MAMDC2: variants seen among roughly 807,000 people sequenced by gnomAD.
MAMDC2 encodes the protein MAM domain containing 2.
MAMDC2 carries 57 observed loss-of-function variants against 89.8 expected under a neutral mutation model. That is an observed-to-expected ratio of 0.63 (90% CI 0.51 to 0.79). The LOEUF (loss-of-function observed/expected upper bound fraction) is 0.79, where lower values mean the gene tolerates loss of function less well. MAMDC2 is among the 30% of genes least tolerant of loss of function. MAMDC2 has a pLI of 0.00. For synonymous variants in MAMDC2, 313 were observed against 293.4 expected (o/e 1.07, Z -0.68); for missense variants, 800 against 820.6 (o/e 0.97, Z 0.31).
At chr9:70,130,683 C>A (rs2030767447) in intron 6 of MAMDC2, among the ~76,000 whole-genome samples, 1 of 152,068 alleles carries the variant, frequency 6.6e-6, no homozygotes, top group African/African-American at 2.4e-5. Flanking sequence ...CTGACTGCTG[C>A]ATCTTTGTCC....
At chr9:70,044,980 T>C (rs1037105360) in intron 2 of MAMDC2, among the ~76,000 whole-genome samples, 2 of 152,244 alleles carry the variant, frequency 1.3e-5, no homozygotes, top group Admixed American at 6.5e-5. Flanking sequence ...GGAGCACAGC[T>C]AATGATTGTT....
intron 11 of MAMDC2, among the ~76,000 whole-genome samples, chr9:70,211,751 T>C (rs1050610846): frequency 6.6e-6 from 1 of 152,232 alleles, no homozygotes; most frequent in Non-Finnish European, 1.5e-5. Context: ...CTCCCTATCT[T>C]TGTGGTTTTA....
At chr9:70,108,109 C>A in intron 2 of MAMDC2, 102 bp from the exon 3 acceptor site, 3 of 1,182,410 alleles carry the variant, frequency 2.5e-6, no homozygotes, top group Non-Finnish European at 3.5e-6. Context: ...CAAAATATAT[C>A]TGCAGGTTTA....
In MAMDC2 at chr9:70,044,185, C is replaced by G; in HGVS notation, c.-13C>G. On this transcript the variant is annotated 5_prime_UTR_variant, in exon 1 of 14. Coordinates refer to ENST00000377182, the MANE Select transcript of MAMDC2 (RefSeq NM_153267.5). ...TTGCACCCCTTCCTAGTCATCCTCC[C>G]TGAAACGCGACCATGCTGTTAAGGG... 1 of 1,613,782 alleles carries G rather than the reference C, an allele frequency of 6.2e-7. No homozygotes were observed. Among genetic ancestry groups the G allele is most frequent in the Non-Finnish European group, 8.5e-7 (1 of 1,179,956 alleles).
At chr9:70,163,591 G>C (rs970510579) in intron 9 of MAMDC2, among the ~76,000 whole-genome samples, 7 of 152,084 alleles carry the variant, frequency 4.6e-5, no homozygotes, top group Non-Finnish European at 7.4e-5. Context: ...ACTAAATCTA[G>C]TCCATTTTTA....
In MAMDC2 at chr9:70,108,308, T is replaced by C. The variant is rs2975887; in HGVS notation, c.246T>C (p.Arg82=). The C allele has an allele frequency of 0.014, 23,190 of 1,613,950 alleles. 1,904 individuals carry two copies. The African/African-American group carries it at 0.22, about 15-fold the overall frequency. Residue 82 remains arginine, a synonymous_variant, in exon 3 of 14, where the codon CGT becomes CGC. Transcript: ENST00000377182. ...AGGCTGAGGAATGGAGCTGCCTCCG[T>C]TTGGTCTACCAGATAACCACATCTT... ...DLQAEEWSCL[R]LVYQITTSSE...
In MAMDC2 at chr9:70,107,648, G is replaced by C. The variant is rs530474744; in HGVS notation, c.149-563G>C. On this transcript the variant is annotated intron_variant, in intron 2 of 13. Transcript: ENST00000377182. ...AAATAGCTTACAATGTACTTTTTCTGCCTAGGTCCCAAGATCCAGGCTTAG... is the reference window on the plus strand; with the variant it reads ...AAATAGCTTACAATGTACTTTTTCTCCCTAGGTCCCAAGATCCAGGCTTAG... Among the ~76,000 whole-genome samples, 10 of 152,282 alleles carry C rather than the reference G, an allele frequency of 6.6e-5. No homozygotes were observed. The South Asian group carries it at 2.1e-3, about 32-fold the overall frequency.
intron 2 of MAMDC2, chr9:70,079,468 C>T (rs2118122219): frequency 6.6e-6 from 1 of 152,248 alleles, no homozygotes; most frequent in South Asian, 2.1e-4. Flanking sequence ...TATAAACAGC[C>T]CTAGACTGTC....
At chr9:70,113,182 G>T in intron 5 of MAMDC2, 50 bp downstream of exon 5, 3 of 1,598,924 alleles carry the variant, frequency 1.9e-6, no homozygotes, top group Non-Finnish European at 2.6e-6. Context: ...TTTTTCTGCT[G>T]TCTCCTCCCA....
intron 2 of MAMDC2, among the ~76,000 whole-genome samples, chr9:70,075,797 C>A (rs1414167386): frequency 6.6e-6 from 1 of 152,156 alleles, no homozygotes; most frequent in Non-Finnish European, 1.5e-5. Context: ...TGTAAGCACC[C>A]CAAGTGTCTA....
intron 2 of MAMDC2, among the ~76,000 whole-genome samples, chr9:70,094,263 C>T (rs2118190621): frequency 6.6e-6 from 1 of 152,328 alleles, no homozygotes. Flanking sequence ...GCTGACCTCA[C>T]CATTTCTCCA....
rs1564004341 is a variant in MAMDC2, at chr9:70,218,587, G to C, written c.1902G>C (p.Arg634Ser). 5 of 1,604,486 alleles carry C rather than the reference G, an allele frequency of 3.1e-6. No homozygotes were observed. The highest frequency in any genetic ancestry group is 4.3e-6 in the Non-Finnish European group (5 of 1,173,386). ...CACTGATTGAATACAGCTGTGAGAG[G>C]CAACACCAGGTAAGCCAACAGAGAT... ...LRALIEYSCE[R>S]QHQIIFEAIR... The change falls in exon 12 of 14, where the codon AGG (arginine) becomes AGC (serine). Residue 634 changes from arginine (R) to serine (S), a missense_variant. Coordinates refer to ENST00000377182, the MANE Select transcript of MAMDC2 (RefSeq NM_153267.5).
intron 2 of MAMDC2, among the ~76,000 whole-genome samples, chr9:70,066,003 A>G (rs1827253741): frequency 6.6e-6 from 1 of 152,212 alleles, no homozygotes; most frequent in Admixed American, 6.5e-5. Flanking sequence ...ATAGTAGTGA[A>G]TGAAACAAAG....
intron 2 of MAMDC2, among the ~76,000 whole-genome samples, chr9:70,048,174 T>C (rs1347735001): frequency 6.6e-6 from 1 of 152,218 alleles, no homozygotes; most frequent in African/African-American, 2.4e-5. Context: ...TAATTTTCCC[T>C]AACTTGTCAA....
intron 11 of MAMDC2, chr9:70,217,758 A>G (rs2033477357): frequency 1.1e-6 from 1 of 909,634 alleles, no homozygotes; most frequent in South Asian, 1.5e-5. Context: ...GTGTCACAAA[A>G]AGTTTTAGGA....
At chr9:70,202,265 G>A (rs932727944) in intron 11 of MAMDC2, among the ~76,000 whole-genome samples, 22 of 150,804 alleles carry the variant, frequency 1.5e-4, no homozygotes, top group African/African-American at 2.4e-4. Context: ...CTTTGTTCTC[G>A]TTGGTTTCAA....
intron 2 of MAMDC2, among the ~76,000 whole-genome samples, chr9:70,073,861 CA>C (rs1827466881): frequency 6.6e-6 from 1 of 152,204 alleles, no homozygotes; most frequent in Non-Finnish European, 1.5e-5. Flanking sequence ...TTGGTCTTAA[CA>C]GTGCCTGTGA....
intron 11 of MAMDC2, among the ~76,000 whole-genome samples, chr9:70,179,354 C>A (rs1480647576): frequency 1.3e-5 from 2 of 148,860 alleles, no homozygotes; most frequent in African/African-American, 5.1e-5. Flanking sequence ...CTACTAAAAA[C>A]ACACACACAC....
At chr9:70,217,398 A>G in intron 11 of MAMDC2, 1 of 1,333,936 alleles carries the variant, frequency 7.5e-7, no homozygotes, top group Non-Finnish European at 1.1e-6. Flanking sequence ...AAGAAATTCA[A>G]AAGAAAAGAA....
Sources: allele counts gnomAD v4.1 joint callset (sites outside exome capture counted in the v4.1 genomes callset), GRCh38; gene constraint gnomAD v4.1.1; transcripts MANE v1.5; gene names NCBI Gene and HGNC (gene_info 2026-07-23, HGNC 2026-07-21).